CCT8: variants seen among roughly 807,000 people sequenced by gnomAD.
CCT8 encodes the protein T-complex protein 1 subunit theta.
A neutral mutation model predicts 65.7 loss-of-function variants in CCT8; 10 were observed. That is an observed-to-expected ratio of 0.15 (90% CI 0.09 to 0.26). The LOEUF is 0.26. Ranked by LOEUF, CCT8 falls within the 10% of genes least tolerant of loss-of-function variation. CCT8 has a pLI of 1.00. For missense variants in CCT8, 568 were observed against 669.1 expected (o/e 0.85, Z 1.67); for synonymous variants, 199 against 221.8 (o/e 0.90, Z 0.92).
At position 29,061,467 on chromosome 21, in the gene CCT8, A is replaced by G. The variant is rs371049669; in HGVS notation, c.1284+29T>C. 9.9e-6 allele frequency: 16 copies of G among 1,613,778 alleles called. No homozygotes were observed. The African/African-American group carries it at 1.6e-4, about 16-fold the overall frequency. On this transcript the variant is annotated intron_variant, in intron 12 of 14. Transcript: ENST00000286788. ...TGTCTTTTATTCAAGCAATGGAAAG[A>G]AAGTCAATTTATACAGAAAAAGCTG...
intron 12 of CCT8, 28 bp downstream of exon 12, chr21:29,061,468 A>C (rs760172230): frequency 6.2e-7 from 1 of 1,613,712 alleles, no homozygotes; most frequent in Admixed American, 1.7e-5. Flanking sequence ...AATGGAAAGA[A>C]AGTCAATTTA....
chr21:29,066,810 T>C, intron 5 of CCT8, 33 bp from the exon 6 acceptor site: 2 of 1,584,400 alleles, frequency 1.3e-6, no homozygotes, highest in Non-Finnish European at 8.6e-7. Context: ...CAAAAGATTA[T>C]TTTGGGACAA....
intron 7 of CCT8, 77 bp from the exon 8 acceptor site, chr21:29,063,607 T>C (rs1034617170): frequency 2.8e-6 from 4 of 1,447,116 alleles, no homozygotes; most frequent in Non-Finnish European, 3.8e-6. Flanking sequence ...AATAGTTGAC[T>C]GAAGAAATAA....
intron 1 of CCT8, 121 bp from the exon 2 acceptor site, chr21:29,070,458 A>AGG: frequency 1.9e-6 from 1 of 536,268 alleles, no homozygotes; most frequent in Non-Finnish European, 3.2e-6. Flanking sequence ...TAGCTTAGGT[A>AGG]TTTGGCACAA....
chr21:29,058,097 T>TA (rs1194393458), intron 14 of CCT8: 1 of 152,060 alleles, frequency 6.6e-6, no homozygotes, highest in Non-Finnish European at 1.5e-5. Context: ...CAGACTGAAT[T>TA]AAAGGCATTA....
In CCT8 at chr21:29,066,988, T is replaced by C. The variant is rs141938387; in HGVS notation, c.465A>G (p.Arg155=). 2.7e-5 allele frequency: 43 copies of C among 1,613,592 alleles called. No homozygotes were observed. Among genetic ancestry groups the C allele is most frequent in the Middle Eastern group, 1.6e-4 (1 of 6,076 alleles). ...GTAGAGATGAGACTTCATCAATATCTCGAAGGTTTTTTGCAGAACAACATA... is the reference window on the plus strand; with the variant it reads ...GTAGAGATGAGACTTCATCAATATCCCGAAGGTTTTTTGCAGAACAACATA... ...NLVCCSAKNL[R]DIDEVSSLLR... Residue 155 remains arginine (R), a synonymous_variant, in exon 5 of 15, where the codon CGA becomes CGG. Transcript: ENST00000286788.
intron 14 of CCT8, among the ~76,000 whole-genome samples, chr21:29,057,716 A>G (rs1365775353): frequency 1.2e-5 from 1 of 85,358 alleles, no homozygotes; most frequent in Non-Finnish European, 3.6e-5. Context: ...TATAATATAT[A>G]TCATACATAT....
intron 1 of CCT8, 172 bp downstream of exon 1, chr21:29,073,359 G>C: frequency 1.8e-5 from 26 of 1,431,598 alleles, no homozygotes; most frequent in African/African-American, 2.9e-5. Context: ...AGTGCCCGCA[G>C]GCTCCGGTGG....
rs773957587 is a variant in CCT8 at position 29,064,996 on chromosome 21, G to A, written c.734C>T (p.Pro245Leu). ...KDAKIAVYSC[P>L]FDGMITETKG... ...AGTTTCTGTTATCATGCCATCAAAAGGACAAGAGTACACTGCTATTTTTGC... is the reference window on the plus strand; with the variant it reads ...AGTTTCTGTTATCATGCCATCAAAAAGACAAGAGTACACTGCTATTTTTGC... Residue 245 changes from proline to leucine, a missense_variant, in exon 7 of 15, where the codon CCT becomes CTT. Pro to Leu is a moderately conservative substitution (Grantham distance 98). Coordinates refer to ENST00000286788, the MANE Select transcript of CCT8 (RefSeq NM_006585.4). 8 of 1,613,584 alleles carry A rather than the reference G, an allele frequency of 5.0e-6. No individual in the cohort carries two copies. The highest frequency in any genetic ancestry group is 6.8e-6 in the Non-Finnish European group (8 of 1,179,772).
At chr21:29,065,132 A>G (rs1271578057) in intron 6 of CCT8, 27 bp from the exon 7 acceptor site, 1 of 1,608,238 alleles carries the variant, frequency 6.2e-7, no homozygotes, top group East Asian at 2.2e-5. Context: ...CAAACTCATC[A>G]GCAATCTCCT....
chr21:29,059,926 A>T (rs2146422178), intron 14 of CCT8: 1 of 152,278 alleles, frequency 6.6e-6, no homozygotes, highest in South Asian at 2.1e-4. Flanking sequence ...GCAAATTAAA[A>T]TTTTCTATTA....
chr21:29,061,805 G>A (rs771265848), intron 11 of CCT8, among the ~76,000 whole-genome samples: 10 of 152,166 alleles, frequency 6.6e-5, no homozygotes, highest in African/African-American at 1.4e-4. Context: ...GAATAGTACC[G>A]TATCATTTTT....
chr21:29,057,439 A>G (rs1478747482), intron 14 of CCT8, among the ~76,000 whole-genome samples: 1 of 151,366 alleles, frequency 6.6e-6, no homozygotes, highest in Non-Finnish European at 1.5e-5. Context: ...TGTTGGGATT[A>G]TAGGTGTGAG....
intron 14 of CCT8, among the ~76,000 whole-genome samples, chr21:29,056,953 G>A (rs2085505085): frequency 6.6e-6 from 1 of 152,052 alleles, no homozygotes; most frequent in Non-Finnish European, 1.5e-5. Context: ...TGTGGTTTAG[G>A]AGCTTTAGGC....
chr21:29,071,003 C>T (rs1041219957), intron 1 of CCT8, among the ~76,000 whole-genome samples: 2 of 152,112 alleles, frequency 1.3e-5, no homozygotes, highest in Admixed American at 6.5e-5. Flanking sequence ...GAACTGCTCA[C>T]GGTACTAAAA....
At chr21:29,061,938 T>G (rs1007783853) in intron 11 of CCT8, among the ~76,000 whole-genome samples, 190 bp downstream of exon 11, 1 of 152,232 alleles carries the variant, frequency 6.6e-6, no homozygotes, top group African/African-American at 2.4e-5. Context: ...GTACAATCTT[T>G]TTTGGAAACT....
intron 7 of CCT8, 146 bp downstream of exon 7, chr21:29,064,822 T>C (rs943570082): frequency 8.0e-6 from 5 of 627,246 alleles, no homozygotes; most frequent in Admixed American, 5.8e-5. Flanking sequence ...AATTAGATAT[T>C]TGAAGACTAT....
chr21:29,063,041 C>A (rs2085581463), intron 8 of CCT8, among the ~76,000 whole-genome samples: 1 of 152,126 alleles, frequency 6.6e-6, no homozygotes, highest in Non-Finnish European at 1.5e-5. Flanking sequence ...TAAAAGGGAT[C>A]TTCCTGACTC....
chr21:29,058,063 CAT>C (rs1287364380), intron 14 of CCT8: 1 of 152,038 alleles, frequency 6.6e-6, no homozygotes, highest in Admixed American at 6.5e-5. Flanking sequence ...CTCAGAATAA[CAT>C]GTTACCAATT....
Sources: allele counts gnomAD v4.1 joint callset (sites outside exome capture counted in the v4.1 genomes callset), GRCh38; gene constraint gnomAD v4.1.1; transcripts MANE v1.5; gene names NCBI Gene and HGNC (gene_info 2026-07-23, HGNC 2026-07-21).